Variants in SLFN11 observed in about 807,000 individuals in gnomAD.
The protein encoded by SLFN11 is schlafen family member 11.
Under a neutral mutation model 53.4 loss-of-function variants are expected in SLFN11, and 43 were observed. That is an observed-to-expected ratio of 0.80 (90% CI 0.63 to 1.04). The LOEUF is 1.04. Ranked by LOEUF, SLFN11 falls within the 50% of genes least tolerant of loss-of-function variation. SLFN11 has a pLI of 0.00. For synonymous variants in SLFN11, 389 were observed against 394.7 expected (o/e 0.99, Z 0.17); for missense variants, 990 against 1,079.1 (o/e 0.92, Z 1.16).
chr17:35,353,127 G>A lies in SLFN11; in HGVS notation c.1935C>T (p.Ile645=). 3 of 1,612,846 alleles carry A rather than the reference G, an allele frequency of 1.9e-6. No homozygotes were observed. The highest frequency in any genetic ancestry group is 1.7e-6 in the Non-Finnish European group (2 of 1,179,542). The part of the protein sequence containing the change: ...PLRNFISDRN[I]CRAETRKTFL... ...AAGTTTTCCGGGTCTCTGCTCGGCA[G>A]ATATTTCTATCACTGTAAAAATTAA... The change falls in exon 7 of 7, where the codon ATC becomes ATT. Residue 645 remains isoleucine (I), a synonymous_variant. Transcript: ENST00000685675.
rs1370593485 is a variant in SLFN11, at chr17:35,364,363, G to A, written c.-19-537C>T. Among the ~76,000 whole-genome samples the A allele has an allele frequency of 2.0e-5, 3 of 152,090 alleles. No individual in the cohort carries two copies. In the East Asian group the frequency reaches 5.8e-4, roughly 29 times the overall value. On this transcript the variant is annotated intron_variant, in intron 3 of 6. Transcript: ENST00000685675. ...GGGCATATGGTATTAAGGAAGCCCA[G>A]AACAAAGTCACCTGCACAGAGGTCT...
chr17:35,357,857 T>C (rs1907723469), intron 5 of SLFN11, among the ~76,000 whole-genome samples: 1 of 145,556 alleles, frequency 6.9e-6, no homozygotes, highest in Non-Finnish European at 1.5e-5. Context: ...TATAATTATT[T>C]ATATAATATA....
intron 5 of SLFN11, among the ~76,000 whole-genome samples, chr17:35,356,731 T>C (rs1243751071): frequency 6.6e-6 from 1 of 151,892 alleles, no homozygotes; most frequent in South Asian, 2.1e-4. Context: ...TCCAGTCTTT[T>C]GCTATTATGT....
At position 35,363,262 on chromosome 17, in the gene SLFN11, A is replaced by T. The variant is rs753456638; in HGVS notation, c.546T>A (p.Pro182=). The T allele has an allele frequency of 6.2e-7, 1 of 1,613,960 alleles. No homozygotes were observed. ...GVYQELPNSD[P]ADPNSDPADL... is the part of the protein sequence containing the mutation. ...CAGCAGGATCCGAGTTTGGGTCAGCAGGATCCGAGTTAGGGAGCTCTTGGT... is the reference window on the plus strand; with the variant it reads ...CAGCAGGATCCGAGTTTGGGTCAGCTGGATCCGAGTTAGGGAGCTCTTGGT... Residue 182 remains proline (P), a synonymous_variant, in exon 4 of 7, where the codon CCT becomes CCA. Coordinates refer to ENST00000685675, the MANE Select transcript of SLFN11 (RefSeq NM_001376007.1).
Position 35,352,576 on chromosome 17 carries a change from G to T in SLFN11, c.2486C>A (p.Ala829Glu), listed in dbSNP as rs1185195857. The T allele has an allele frequency of 2.5e-6, 4 of 1,614,144 alleles. No individual in the cohort carries two copies. The highest frequency in any genetic ancestry group is 3.4e-6 in the Non-Finnish European group (4 of 1,180,040). ...VEHYKYELLKAMRKKRVVQLS... is the reference protein window; with the variant it reads ...VEHYKYELLKEMRKKRVVQLS... ...CTGCACCACCCTTTTCTTCCTCATT[G>T]CTTTCAAGAGCTCATACTTATAGTG... The change falls in exon 7 of 7, where the codon GCA becomes GAA. Residue 829 changes from alanine to glutamate, a missense_variant. Ala to Glu is a moderately radical substitution (Grantham distance 107). Transcript: ENST00000685675.
At chr17:35,370,177 G>A (rs71381432) in intron 1 of SLFN11, among the ~76,000 whole-genome samples, 6,381 of 152,162 alleles carry the variant, frequency 0.042, 228 homozygotes, top group East Asian at 0.13. Flanking sequence ...ATGGTTCAAC[G>A]TATGCAAATC....
chr17:35,362,179 A>G (rs9899691), intron 4 of SLFN11, among the ~76,000 whole-genome samples: 146,266 of 152,198 alleles, frequency 0.96, 70,298 homozygotes, highest in Admixed American at 0.98. Flanking sequence ...CAAGCTCCTA[A>G]TGGATTATCA....
chr17:35,371,100 T>C (rs926642225), intron 1 of SLFN11, among the ~76,000 whole-genome samples: 1 of 152,078 alleles, frequency 6.6e-6, no homozygotes, highest in South Asian at 2.1e-4. Context: ...CAAAATAGCA[T>C]GATACTGACA....
chr17:35,363,967 C>T (rs1908621386), intron 3 of SLFN11, 141 bp from the exon 4 acceptor site: 2 of 646,450 alleles, frequency 3.1e-6, no homozygotes, highest in East Asian at 2.9e-5. Flanking sequence ...AGAAGAATGG[C>T]TGGCAAGGAA....
In SLFN11 at chr17:35,362,839, T is replaced by C. The variant is rs1344695904; in HGVS notation, c.969A>G (p.Ala323=). The part of the protein sequence containing the change: ...CMIRVNPFCC[A]VFSEAPNSWI... ...ATGAATTGGGAGCTTCTGAGAACAC[T>C]GCACAGCAGAAGGGATTTACTCTGA... The change falls in exon 4 of 7, where the codon GCA becomes GCG. Residue 323 remains alanine, a synonymous_variant. Coordinates refer to ENST00000685675, the MANE Select transcript of SLFN11 (RefSeq NM_001376007.1). 1 of 1,613,786 alleles carries C rather than the reference T, an allele frequency of 6.2e-7. No homozygotes were observed. Among genetic ancestry groups the C allele is most frequent in the African/African-American group, 1.3e-5 (1 of 74,886 alleles).
intron 1 of SLFN11, among the ~76,000 whole-genome samples, chr17:35,369,431 C>T (rs1909377939): frequency 6.6e-6 from 1 of 152,096 alleles, no homozygotes; most frequent in South Asian, 2.1e-4. Context: ...TGAGGGCCAG[C>T]TCAGTCCCAG....
intron 1 of SLFN11, among the ~76,000 whole-genome samples, chr17:35,371,672 T>C (rs1246083968): frequency 6.6e-6 from 1 of 152,034 alleles, no homozygotes; most frequent in Admixed American, 6.5e-5. Flanking sequence ...AAGATTTGAA[T>C]AGTCATTTCT....
At chr17:35,357,165 T>TGTGA (rs1555603374) in intron 5 of SLFN11, among the ~76,000 whole-genome samples, 18 of 151,230 alleles carry the variant, frequency 1.2e-4, no homozygotes, top group African/African-American at 3.4e-4. Flanking sequence ...TGTGTGTGTG[T>TGTGA]GTGTGTGTGT....
At chr17:35,355,534 C>G (rs572723026) in intron 5 of SLFN11, among the ~76,000 whole-genome samples, 1 of 152,252 alleles carries the variant, frequency 6.6e-6, no homozygotes, top group South Asian at 2.1e-4. Context: ...AAGTCACAGA[C>G]TACTCCTGCC....
chr17:35,359,059 G>A (rs1907870571), intron 5 of SLFN11, among the ~76,000 whole-genome samples: 1 of 152,018 alleles, frequency 6.6e-6, no homozygotes, highest in Non-Finnish European at 1.5e-5. Flanking sequence ...ATTTTTCTAT[G>A]AATTTAGAAC....
At chr17:35,357,170 GTGTGTGTC>G (rs1370120129) in intron 5 of SLFN11, among the ~76,000 whole-genome samples, 1 of 148,544 alleles carries the variant, frequency 6.7e-6, no homozygotes, top group Non-Finnish European at 1.5e-5. Flanking sequence ...GTGTGTGTGT[GTGTGTGTC>G]TGTGTCCTTA....
At chr17:35,353,253 A>G in intron 6 of SLFN11, 83 bp downstream of exon 6, 3 of 1,604,344 alleles carry the variant, frequency 1.9e-6, no homozygotes, top group Non-Finnish European at 2.6e-6. Context: ...TTACCACTCA[A>G]TTCTCAAGAA....
chr17:35,362,654 A>G, intron 4 of SLFN11, 85 bp downstream of exon 4: 1 of 1,071,204 alleles, frequency 9.3e-7, no homozygotes, highest in Non-Finnish European at 1.3e-6. Flanking sequence ...AGATGTTCAA[A>G]GTCATAGGCA....
chr17:35,357,212 T>C (rs933349063), intron 5 of SLFN11, among the ~76,000 whole-genome samples: 1 of 151,618 alleles, frequency 6.6e-6, no homozygotes, highest in Admixed American at 6.6e-5. Context: ...GCTCTTTATA[T>C]ATTAGAGACA....
Sources: allele counts gnomAD v4.1 joint callset (sites outside exome capture counted in the v4.1 genomes callset), GRCh38; gene constraint gnomAD v4.1.1; transcripts MANE v1.5; gene names NCBI Gene and HGNC (gene_info 2026-07-23, HGNC 2026-07-21).